Variants in WDR7 observed in about 807,000 individuals in gnomAD.
The protein encoded by WDR7 is WD repeat domain 7.
Under a neutral mutation model 169.4 loss-of-function variants are expected in WDR7, and 46 were observed. The observed-to-expected ratio is 0.27, with a 90% CI of 0.21 to 0.35. The LOEUF is 0.35. Ranked by LOEUF, WDR7 falls within the 10% of genes least tolerant of loss-of-function variation. WDR7 has a pLI of 1.00. For missense variants in WDR7, 1,534 were observed against 1,859.3 expected, an observed-to-expected ratio of 0.83 and a Z score of 3.22; for synonymous variants, 612 against 666.8, an observed-to-expected ratio of 0.92 and a Z score of 1.27.
chr18:56,664,762 T>C (rs1279721943), intron 1 of WDR7, among the ~76,000 whole-genome samples: 1 of 152,224 alleles, frequency 6.6e-6, no homozygotes, highest in Non-Finnish European at 1.5e-5. Context: ...GCTAGATTTA[T>C]AGATTTTATC....
intron 14 of WDR7, among the ~76,000 whole-genome samples, chr18:56,743,157 T>A (rs1382988360): frequency 7.9e-5 from 12 of 152,158 alleles, no homozygotes; most frequent in Admixed American, 7.9e-4. Context: ...AGTAGCTCTA[T>A]CACGTGTGAT....
intron 12 of WDR7, among the ~76,000 whole-genome samples, chr18:56,697,079 T>G (rs925743364): frequency 7.2e-5 from 11 of 152,318 alleles, no homozygotes; most frequent in Non-Finnish European, 1.3e-4. Flanking sequence ...TTTTTTTTAT[T>G]GTTTATTAAT....
intron 14 of WDR7, among the ~76,000 whole-genome samples, chr18:56,743,924 G>A (rs1019587097): frequency 2.0e-5 from 3 of 152,142 alleles, no homozygotes; most frequent in Non-Finnish European, 2.9e-5. Context: ...TGATGTGGAG[G>A]AGGAAAACCT....
intron 19 of WDR7, among the ~76,000 whole-genome samples, chr18:56,790,233 AC>A (rs2044462759): frequency 1.3e-5 from 2 of 152,328 alleles, no homozygotes; most frequent in Non-Finnish European, 2.9e-5. Flanking sequence ...GTCATGTCCA[AC>A]TTGTTTTTAT....
chr18:56,774,476 T>C (rs1347349464), intron 16 of WDR7, among the ~76,000 whole-genome samples: 2 of 152,130 alleles, frequency 1.3e-5, no homozygotes, highest in Non-Finnish European at 2.9e-5. Flanking sequence ...TACAGCTGTT[T>C]TCCCAATCCT....
At chr18:56,807,729 GATCA>G (rs1397885828) in intron 19 of WDR7, among the ~76,000 whole-genome samples, 4 of 149,454 alleles carry the variant, frequency 2.7e-5, no homozygotes, top group Non-Finnish European at 4.5e-5. Flanking sequence ...CATAAACAAA[GATCA>G]AAACTCGTGT....
chr18:56,821,148 C>A (rs1460890897), intron 20 of WDR7, among the ~76,000 whole-genome samples: 1 of 151,964 alleles, frequency 6.6e-6, no homozygotes, highest in Non-Finnish European at 1.5e-5. Context: ...GTGGAGCTTA[C>A]ATTTTCATGG....
In WDR7 at chr18:56,838,860, A is replaced by G. The variant is rs571955251; in HGVS notation, c.3304+22716A>G. Among the ~76,000 whole-genome samples the G allele has an allele frequency of 3.0e-4, 46 of 152,276 alleles. No homozygotes were observed. The South Asian group carries it at 9.3e-3, about 31-fold the overall frequency. ...TTCATTAGCTTTAAGTTTTTTTATA[A>G]TTAGATACAGGATTAAATAGACAAG... On this transcript the variant is annotated intron_variant, in intron 20 of 27. Coordinates refer to ENST00000254442, the MANE Select transcript of WDR7 (RefSeq NM_015285.3).
chr18:56,667,261 G>A (rs1024083237), intron 1 of WDR7, among the ~76,000 whole-genome samples: 1 of 151,922 alleles, frequency 6.6e-6, no homozygotes, highest in South Asian at 2.1e-4. Context: ...ATGACTTATT[G>A]TTCTTCCTCT....
intron 20 of WDR7, 34 bp from the exon 21 acceptor site, chr18:56,879,910 G>A: frequency 6.5e-7 from 1 of 1,531,390 alleles, no homozygotes; most frequent in Non-Finnish European, 9.0e-7. Context: ...ATATTGATTT[G>A]TTCTAAGTTG....
At chr18:56,783,970 A>G (rs2044356845) in intron 19 of WDR7, among the ~76,000 whole-genome samples, 1 of 152,208 alleles carries the variant, frequency 6.6e-6, no homozygotes, top group African/African-American at 2.4e-5. Context: ...AGGCCCAGAG[A>G]GAATAAAATA....
At chr18:56,681,235 A>T in intron 3 of WDR7, 78 bp from the exon 4 acceptor site, 1 of 976,024 alleles carries the variant, frequency 1.0e-6, no homozygotes, top group Non-Finnish European at 1.6e-6. Context: ...ATGGAAGATT[A>T]ATTTTAAATC....
At chr18:56,723,222 AAAAC>A (rs773113266) in intron 13 of WDR7, among the ~76,000 whole-genome samples, 2 of 148,164 alleles carry the variant, frequency 1.3e-5, no homozygotes, top group Non-Finnish European at 3.0e-5. Flanking sequence ...TTTTTTGTTT[AAAAC>A]AAACAAAAGT....
chr18:56,897,358 G>C (rs965572135), intron 21 of WDR7, among the ~76,000 whole-genome samples: 4 of 151,398 alleles, frequency 2.6e-5, no homozygotes, highest in African/African-American at 9.7e-5. Flanking sequence ...ACAAAAATTG[G>C]AATCAGCGCA....
chr18:56,947,958 T>A (rs575061710), intron 25 of WDR7, among the ~76,000 whole-genome samples: 2 of 152,336 alleles, frequency 1.3e-5, no homozygotes. Context: ...ACAAATATAA[T>A]GTACTTTGTA....
intron 20 of WDR7, among the ~76,000 whole-genome samples, chr18:56,866,133 C>A (rs2045879965): frequency 6.6e-6 from 1 of 152,064 alleles, no homozygotes; most frequent in African/African-American, 2.4e-5. Context: ...TCTGTTTGTG[C>A]CCTTCACCTT....
At chr18:56,839,672 C>T (rs1381865854) in intron 20 of WDR7, among the ~76,000 whole-genome samples, 1 of 151,916 alleles carries the variant, frequency 6.6e-6, no homozygotes, top group Non-Finnish European at 1.5e-5. Flanking sequence ...TTTTTGAAGT[C>T]GATAGAGTAT....
intron 21 of WDR7, among the ~76,000 whole-genome samples, chr18:56,909,928 G>A (rs972611826): frequency 6.6e-6 from 1 of 152,066 alleles, no homozygotes; most frequent in Non-Finnish European, 1.5e-5. Context: ...ATTGCTTCCT[G>A]TCCCTTTTGA....
At chr18:56,831,147 A>T (rs2045301400) in intron 20 of WDR7, among the ~76,000 whole-genome samples, 1 of 152,116 alleles carries the variant, frequency 6.6e-6, no homozygotes, top group South Asian at 2.1e-4. Context: ...ATTAGCTAGG[A>T]AAAAGGGGAG....
Sources: gnomAD v4.1 joint callset for allele counts (sites outside exome capture counted in the v4.1 genomes callset) on GRCh38, gnomAD v4.1.1 for gene constraint, MANE v1.5 for transcripts, NCBI Gene and HGNC (gene_info 2026-07-23, HGNC 2026-07-21) for gene names.